EFTUD2: variants seen among roughly 807,000 people sequenced by gnomAD.
EFTUD2 encodes 116 kDa U5 small nuclear ribonucleoprotein component.
A neutral mutation model predicts 114.3 loss-of-function variants in EFTUD2; 9 were observed. The observed-to-expected ratio is 0.08, with a 90% CI of 0.05 to 0.14. The LOEUF (loss-of-function observed/expected upper bound fraction) is 0.14, where lower values mean the gene tolerates loss of function less well. Ranked by LOEUF, EFTUD2 falls within the 10% of genes least tolerant of loss-of-function variation. The probability of loss-of-function intolerance (pLI) is 1.00; values close to 1 mark genes in which losing one functional copy is unlikely to be tolerated. For missense variants in EFTUD2, 765 were observed against 1,241.2 expected (o/e 0.62, Z 5.76); for synonymous variants, 449 against 462.3 (o/e 0.97, Z 0.37).
At chr17:44,880,997 GT>G (rs966188851) in intron 7 of EFTUD2, among the ~76,000 whole-genome samples, 6 of 151,516 alleles carry the variant, frequency 4.0e-5, no homozygotes, top group African/African-American at 9.7e-5. Flanking sequence ...GGGTATTTTA[GT>G]TTTTTTTTAA....
chr17:44,882,193 C>A (rs1016249256), intron 6 of EFTUD2, among the ~76,000 whole-genome samples: 2 of 152,180 alleles, frequency 1.3e-5, no homozygotes, highest in Non-Finnish European at 2.9e-5. Flanking sequence ...CTCAGCCTCC[C>A]AAAGTGCTGG....
chr17:44,854,317 C>G lies in EFTUD2; in HGVS notation c.2299G>C (p.Val767Leu), dbSNP rs775893755. Residue 767 changes from valine (V) to leucine (L), a missense_variant, in exon 23 of 28, where the codon GTT becomes CTT. By Grantham distance (32) the Val-to-Leu change is conservative (BLOSUM62 1). Around this residue, in one of 6 missense-constraint regions of EFTUD2, gnomAD observed 166 missense variants for 401.5 expected, o/e 0.41. Coordinates refer to ENST00000426333, the MANE Select transcript of EFTUD2 (RefSeq NM_004247.4). The surrounding 1 kb of genome is among the most constrained non-coding windows in gnomAD (Gnocchi z 4.3). ...ALLGSVKDSI[V>L]QGFQWGTREG... Reference sequence around the variant, plus strand: ...CTGGTTCCCCACTGGAAACCTTGAACGATGCTGTCCTTCACTGAACCAAGA... The same window carrying G: ...CTGGTTCCCCACTGGAAACCTTGAAGGATGCTGTCCTTCACTGAACCAAGA... The G allele has an allele frequency of 6.2e-7, 1 of 1,614,024 alleles. No individual in the cohort carries two copies. The highest frequency in any genetic ancestry group is 1.7e-5 in the Admixed American group (1 of 59,984).
In EFTUD2 at chr17:44,867,905, G is replaced by C. The variant is rs763827916; in HGVS notation, c.1059-8C>G. On this transcript the variant is annotated splice_region_variant and splice_polypyrimidine_tract_variant and intron_variant, in intron 12 of 27. Transcript: ENST00000426333. ...TTTTTGGTGAACTTTCGCCTAAAAG[G>C]AAAAATAAGTTCTGAGTGACCCAGG... 5.4e-5 allele frequency: 85 copies of C among 1,583,026 alleles called. 2 individuals carry two copies. The Admixed American group carries it at 1.3e-3, about 24-fold the overall frequency.
intron 15 of EFTUD2, 164 bp downstream of exon 15, chr17:44,863,491 A>G: frequency 1.1e-6 from 1 of 926,856 alleles, no homozygotes; most frequent in Non-Finnish European, 1.6e-6. Context: ...AGGTCATAGC[A>G]CTAGCGGTGG....
At chr17:44,856,026 C>G (rs2050545459) in intron 20 of EFTUD2, among the ~76,000 whole-genome samples, 2 of 145,976 alleles carry the variant, frequency 1.4e-5, no homozygotes, top group Admixed American at 7.0e-5. Flanking sequence ...ACTTGGGAGG[C>G]TAACTAAGGT....
At chr17:44,877,703 G>A (rs1259062996) in intron 9 of EFTUD2, among the ~76,000 whole-genome samples, 1 of 150,480 alleles carries the variant, frequency 6.6e-6, no homozygotes, top group Non-Finnish European at 1.5e-5. Context: ...CTGCCTGGGA[G>A]GCTGAGGCAG....
intron 10 of EFTUD2, among the ~76,000 whole-genome samples, chr17:44,873,489 G>A (rs543061400): frequency 2.0e-4 from 31 of 152,098 alleles, no homozygotes; most frequent in African/African-American, 7.5e-4. Flanking sequence ...CCAAGTAGCT[G>A]GGACTGCAGG....
At chr17:44,857,043 G>T in intron 20 of EFTUD2, 32 bp downstream of exon 20, 6 of 1,574,776 alleles carry the variant, frequency 3.8e-6, no homozygotes, top group Non-Finnish European at 5.2e-6. Context: ...CCAGGAGGCT[G>T]CAGTCCCAGG....
chr17:44,859,713 A>G, intron 18 of EFTUD2, 192 bp downstream of exon 18: 1 of 836,756 alleles, frequency 1.2e-6, no homozygotes. Flanking sequence ...GTCTTGTTTT[A>G]ACACACACAC....
At chr17:44,876,370 G>T (rs909336590) in intron 9 of EFTUD2, among the ~76,000 whole-genome samples, 3 of 152,176 alleles carry the variant, frequency 2.0e-5, no homozygotes, top group Admixed American at 2.0e-4. Flanking sequence ...AACTAAGAAG[G>T]CTGGGAAGAG....
intron 14 of EFTUD2, 128 bp downstream of exon 14, chr17:44,864,802 T>C: frequency 7.2e-7 from 1 of 1,396,886 alleles, no homozygotes. Flanking sequence ...GTTCTGCATC[T>C]GAATCTGTGG....
chr17:44,885,152 G>T, intron 4 of EFTUD2, 104 bp downstream of exon 4: 2 of 846,602 alleles, frequency 2.4e-6, no homozygotes. Context: ...AGCTATGTAC[G>T]GCCACAATTT....
chr17:44,891,975 G>A (rs2051287667), intron 2 of EFTUD2: 1 of 152,022 alleles, frequency 6.6e-6, no homozygotes, highest in South Asian at 2.1e-4. Context: ...GGCCAGGCTG[G>A]TCTCGAACTC....
intron 11 of EFTUD2, among the ~76,000 whole-genome samples, 188 bp downstream of exon 11, chr17:44,872,258 T>C (rs1205270533): frequency 2.0e-5 from 3 of 152,226 alleles, no homozygotes; most frequent in Non-Finnish European, 4.4e-5. Flanking sequence ...ATTTTTCTAT[T>C]ATTTAGAAAC....
chr17:44,866,270 T>C (rs2050744806), intron 13 of EFTUD2, among the ~76,000 whole-genome samples: 1 of 152,184 alleles, frequency 6.6e-6, no homozygotes, highest in Non-Finnish European at 1.5e-5. Flanking sequence ...TGAGACAGGG[T>C]CTCACTCCAT....
chr17:44,883,837 G>T, intron 4 of EFTUD2, 113 bp from the exon 5 acceptor site: 1 of 898,954 alleles, frequency 1.1e-6, no homozygotes, highest in South Asian at 1.4e-5. Flanking sequence ...AGACCAACTG[G>T]AGAGTGCTCA....
intron 1 of EFTUD2, 46 bp from the exon 2 acceptor site, chr17:44,894,571 G>C: frequency 6.9e-7 from 1 of 1,455,736 alleles, no homozygotes; most frequent in Non-Finnish European, 9.6e-7. Context: ...AGGTAATCAA[G>C]GCCTTCATGT....
At chr17:44,861,331 G>A (rs1341168947) in intron 16 of EFTUD2, among the ~76,000 whole-genome samples, 1 of 151,696 alleles carries the variant, frequency 6.6e-6, no homozygotes, top group Non-Finnish European at 1.5e-5. Flanking sequence ...TATAACCCTG[G>A]CTACTTGGGA....
At position 44,862,738 on chromosome 17, in the gene EFTUD2, C is replaced by T. The variant is rs758175182; in HGVS notation, c.1582G>A (p.Gly528Ser). 6 of 1,613,966 alleles carry T rather than the reference C, an allele frequency of 3.7e-6. No individual in the cohort carries two copies. The highest frequency in any genetic ancestry group is 2.2e-5 in the South Asian group (2 of 91,054). ...CTGGCCACAGAGATCCAAAGGCGGC[C>T]CACGGTGCATATCTGGGAGTCTTCC... Reference protein sequence around the residue: ...DEEDSQICTVGRLWISVARYH... With the variant: ...DEEDSQICTVSRLWISVARYH... The change falls in exon 16 of 28, where the codon GGC becomes AGC. Residue 528 changes from glycine to serine, a missense_variant. Physicochemically the swap from Gly to Ser is moderately conservative, Grantham distance 56 (BLOSUM62 0). Around this residue, in one of 6 missense-constraint regions of EFTUD2, gnomAD observed 149 missense variants for 245.1 expected, o/e 0.61. Transcript: ENST00000426333.
Sources: allele counts gnomAD v4.1 joint callset (sites outside exome capture counted in the v4.1 genomes callset), GRCh38; gene constraint gnomAD v4.1.1; regional missense constraint gnomAD v4.1.1; non-coding constraint Gnocchi (gnomAD v3.1); transcripts MANE v1.5; gene names NCBI Gene and HGNC (gene_info 2026-07-23, HGNC 2026-07-21).